Variants in SLC5A12 observed in about 807,000 individuals in gnomAD.
The protein encoded by SLC5A12 is sodium-coupled monocarboxylate transporter 2.
A neutral mutation model predicts 72.7 loss-of-function variants in SLC5A12; 46 were observed. The ratio of observed to expected loss-of-function variants is 0.63; its 90% CI spans 0.50 to 0.81. The LOEUF (loss-of-function observed/expected upper bound fraction) is 0.81. SLC5A12 is among the 30% of genes least tolerant of loss of function. SLC5A12 has a pLI of 0.00. For synonymous variants in SLC5A12, 275 were observed against 264.4 expected (o/e 1.04, Z -0.39); for missense variants, 683 against 740.7 (o/e 0.92, Z 0.90).
intron 4 of SLC5A12, among the ~76,000 whole-genome samples, chr11:26,708,737 T>G (rs534469844): frequency 3.9e-5 from 6 of 152,010 alleles, no homozygotes; most frequent in Non-Finnish European, 1.5e-5. Context: ...TATATATAAT[T>G]GTATTAATTA....
intron 13 of SLC5A12, among the ~76,000 whole-genome samples, chr11:26,674,620 C>T (rs1854225377): frequency 6.6e-6 from 1 of 152,084 alleles, no homozygotes; most frequent in African/African-American, 2.4e-5. Context: ...CCAAGCTGGT[C>T]TCAAACTCCT....
chr11:26,709,358 C>T lies in SLC5A12; in HGVS notation c.479G>A (p.Gly160Asp). 1.2e-6 allele frequency: 2 copies of T among 1,611,008 alleles called. No individual in the cohort carries two copies. Among genetic ancestry groups the T allele is most frequent in the Non-Finnish European group, 1.7e-6 (2 of 1,178,360 alleles). The change falls in exon 4 of 15, where the codon GGC becomes GAC. Residue 160 changes from glycine to aspartate, a missense_variant. Coordinates refer to ENST00000396005, the MANE Select transcript of SLC5A12 (RefSeq NM_178498.4). Reference sequence around the variant, plus strand: ...AACAATTCCTGTTGCAAACACAGAGCCCCAGAGATCAAACCCAGTCACTAG... The same window carrying T: ...AACAATTCCTGTTGCAAACACAGAGTCCCAGAGATCAAACCCAGTCACTAG... ...LNQVTGFDLW[G>D]SVFATGIVCT...
At chr11:26,711,981 G>A (rs542214728) in intron 2 of SLC5A12, among the ~76,000 whole-genome samples, 1 of 152,158 alleles carries the variant, frequency 6.6e-6, no homozygotes, top group Admixed American at 6.6e-5. Flanking sequence ...AAATATCTAT[G>A]GGCAGGTAAA....
rs1370191460 is a variant in SLC5A12 at position 26,703,860 on chromosome 11, T to C, written c.613A>G (p.Thr205Ala). 10 of 1,613,814 alleles carry C rather than the reference T, an allele frequency of 6.2e-6. No individual in the cohort carries two copies. The highest frequency in any genetic ancestry group is 1.7e-5 in the Admixed American group (1 of 59,970). ...GFLTVLIQGS[T>A]HAGGFHNVLE... Reference sequence around the variant, plus strand: ...ACATTGTGGAATCCCCCAGCATGAGTTGATCCTTGAATGAGAACCGTTAAG... The same window carrying C: ...ACATTGTGGAATCCCCCAGCATGAGCTGATCCTTGAATGAGAACCGTTAAG... Residue 205 changes from threonine to alanine, a missense_variant, in exon 5 of 15, where the codon ACT (threonine) becomes GCT (alanine). By Grantham distance (58) the Thr-to-Ala change is moderately conservative (BLOSUM62 0). Coordinates refer to ENST00000396005, the MANE Select transcript of SLC5A12 (RefSeq NM_178498.4).
intron 12 of SLC5A12, 61 bp downstream of exon 12, chr11:26,680,994 C>G: frequency 2.1e-6 from 3 of 1,406,052 alleles, no homozygotes; most frequent in Non-Finnish European, 2.9e-6. Flanking sequence ...GAAGAGTGCA[C>G]CTCCCTCTTA....
In SLC5A12 at chr11:26,681,154, T is replaced by A; in HGVS notation, c.1376A>T (p.Tyr459Phe). The A allele has an allele frequency of 6.2e-7, 1 of 1,611,752 alleles. No individual in the cohort carries two copies. The highest frequency in any genetic ancestry group is 8.5e-7 in the Non-Finnish European group (1 of 1,178,996). The change falls in exon 12 of 15, where the codon TAC (tyrosine) becomes TTC (phenylalanine). Residue 459 changes from tyrosine to phenylalanine, a missense_variant. By Grantham distance (22) the Tyr-to-Phe change is conservative. Coordinates refer to ENST00000396005, the MANE Select transcript of SLC5A12 (RefSeq NM_178498.4). ...SFWVAIGAFI[Y>F]PAPASKTWPL... The stretch of plus-strand genomic sequence containing the variant: ...CCATGTCTTAGAGGCTGGTGCAGGG[T>A]AAATGAAGGCCCCAATGGCCACCCA...
At chr11:26,683,456 T>C (rs1854454016) in intron 11 of SLC5A12, among the ~76,000 whole-genome samples, 1 of 152,192 alleles carries the variant, frequency 6.6e-6, no homozygotes, top group Non-Finnish European at 1.5e-5. Context: ...GAATTCAATA[T>C]CTATTTTACA....
At chr11:26,673,965 C>G (rs916080345) in intron 13 of SLC5A12, among the ~76,000 whole-genome samples, 2 of 152,048 alleles carry the variant, frequency 1.3e-5, no homozygotes, top group Non-Finnish European at 2.9e-5. Flanking sequence ...TCCTTCTTTT[C>G]TTTCACCCTA....
intron 13 of SLC5A12, among the ~76,000 whole-genome samples, chr11:26,677,391 G>T (rs749188587): frequency 1.3e-5 from 2 of 152,094 alleles, no homozygotes; most frequent in Non-Finnish European, 2.9e-5. Context: ...TGGAAAATAT[G>T]GACTGGCAAA....
At chr11:26,673,651 A>G in intron 13 of SLC5A12, 122 bp from the exon 14 acceptor site, 1 of 1,287,530 alleles carries the variant, frequency 7.8e-7, no homozygotes, top group Non-Finnish European at 1.0e-6. Context: ...AACAAGATTG[A>G]GTGGTTAATA....
intron 1 of SLC5A12, among the ~76,000 whole-genome samples, chr11:26,714,722 A>G (rs1366710580): frequency 6.6e-6 from 1 of 152,120 alleles, no homozygotes; most frequent in Non-Finnish European, 1.5e-5. Context: ...CTTTCCCTAG[A>G]AACATTAGAT....
Position 26,721,589 on chromosome 11 carries a change from C to G in SLC5A12, c.126G>C (p.Leu42=). ...ERKKATSREF[L]VGGRQMSFGP... ...CAAAGCTCATTTGCCTTCCCCCAAC[C>G]AGGAACTCTCGGGAAGTTGCCTTTT... Residue 42 remains leucine, a synonymous_variant, in exon 1 of 15, where the codon CTG becomes CTC. Transcript: ENST00000396005. 1 of 1,614,138 alleles carries G rather than the reference C, an allele frequency of 6.2e-7. No homozygotes were observed. Among genetic ancestry groups the G allele is most frequent in the Non-Finnish European group, 8.5e-7 (1 of 1,180,030 alleles).
chr11:26,712,172 G>A (rs568392001), intron 2 of SLC5A12, among the ~76,000 whole-genome samples: 1 of 151,598 alleles, frequency 6.6e-6, no homozygotes, highest in Non-Finnish European at 1.5e-5. Context: ...AAGCTGGGGG[G>A]GTGGGAAAGG....
At position 26,683,695 on chromosome 11, in the gene SLC5A12, G is replaced by C. The variant is rs573123505; in HGVS notation, c.1308+62C>G. On this transcript the variant is annotated intron_variant, in intron 11 of 14. Coordinates refer to ENST00000396005, the MANE Select transcript of SLC5A12 (RefSeq NM_178498.4). ...GCTTTTCTAAACAGGGCTGAGAGGA[G>C]AGAGAAAACGGCTGGGCCCAGTTTT... The C allele has an allele frequency of 3.0e-6, 4 of 1,336,674 alleles. No individual in the cohort carries two copies. In the East Asian group the frequency reaches 7.5e-5, roughly 25 times the overall value. The allele number at this position is 1,336,674 out of a possible 1,614,324, so 82.8% of individuals were successfully genotyped here. A position where few individuals can be genotyped will look rare whatever the true frequency, so the allele number is the denominator to read the frequency against.
intron 1 of SLC5A12, among the ~76,000 whole-genome samples, chr11:26,713,768 C>T (rs537891103): frequency 2.0e-5 from 3 of 152,148 alleles, no homozygotes; most frequent in African/African-American, 7.2e-5. Context: ...AATTTATTAC[C>T]TCTCAGTACT....
chr11:26,678,871 G>A (rs1240962161), intron 12 of SLC5A12, 56 bp from the exon 13 acceptor site: 3 of 1,169,632 alleles, frequency 2.6e-6, no homozygotes, highest in African/African-American at 3.1e-5. Flanking sequence ...CCACAGTGAT[G>A]TAGAGGACTG....
intron 6 of SLC5A12, among the ~76,000 whole-genome samples, chr11:26,702,143 A>G (rs1854971950): frequency 6.6e-6 from 1 of 152,210 alleles, no homozygotes; most frequent in Non-Finnish European, 1.5e-5. Flanking sequence ...GATCAAAGTC[A>G]CATGCATTTT....
intron 6 of SLC5A12, 130 bp downstream of exon 6, chr11:26,703,401 G>C: frequency 1.0e-6 from 1 of 961,640 alleles, no homozygotes; most frequent in Non-Finnish European, 1.5e-6. Context: ...GAGTCTCTCT[G>C]CCTCTCTCTT....
At chr11:26,686,617 C>T (rs1259188008) in intron 9 of SLC5A12, 73 bp from the exon 10 acceptor site, 15 of 1,330,928 alleles carry the variant, frequency 1.1e-5, no homozygotes, top group Admixed American at 1.8e-5. Context: ...TGAGCCCCCA[C>T]TCAGAACTGT....
Sources: gnomAD v4.1 joint callset for allele counts (sites outside exome capture counted in the v4.1 genomes callset) on GRCh38, gnomAD v4.1.1 for gene constraint, MANE v1.5 for transcripts, NCBI Gene and HGNC (gene_info 2026-07-23, HGNC 2026-07-21) for gene names.